Variants in SFT2D2 observed in about 807,000 individuals in gnomAD.
SFT2D2 encodes SFT2 domain containing 2, also known as vesicle transport protein SFT2B.
In SFT2D2, 21 loss-of-function variants were observed where a neutral mutation model predicts 27.4. That is an observed-to-expected ratio of 0.77 (90% CI 0.54 to 1.10). The LOEUF is 1.10. Among genes scored for constraint, SFT2D2 ranks in the 50% least tolerant of loss-of-function variants. SFT2D2 has a pLI of 0.00. For missense variants in SFT2D2, 187 were observed against 194.2 expected (o/e 0.96, Z 0.22); for synonymous variants, 72 against 71.7 (o/e 1.00, Z -0.02).
intron 1 of SFT2D2, among the ~76,000 whole-genome samples, chr1:168,229,034 A>G (rs578011633): frequency 6.6e-6 from 1 of 152,220 alleles, no homozygotes; most frequent in Non-Finnish European, 1.5e-5. Context: ...ACCACATGTA[A>G]TGGAAAAATA....
chr1:168,232,553 C>T (rs1238874992), intron 3 of SFT2D2, among the ~76,000 whole-genome samples: 1 of 152,194 alleles, frequency 6.6e-6, no homozygotes, highest in Non-Finnish European at 1.5e-5. Flanking sequence ...TTTCCCTTCC[C>T]TTGTGTCTCT....
chr1:168,230,835 A>G (rs909267047), intron 1 of SFT2D2, among the ~76,000 whole-genome samples: 6 of 152,112 alleles, frequency 3.9e-5, no homozygotes, highest in Non-Finnish European at 5.9e-5. Context: ...CTCCTGTTTC[A>G]GTAGTGTTTT....
Position 168,252,893 on chromosome 1 carries a change from T to G in SFT2D2, c.*10353T>G, listed in dbSNP as rs1647979009. On this transcript the variant is annotated 3_prime_UTR_variant, in exon 8 of 8. Coordinates refer to ENST00000271375, the MANE Select transcript of SFT2D2 (RefSeq NM_199344.3). ...TACCTTGAAAATCTATTTCATTTACTAAATATTGTTTTCTTTATGCTAACT... is the reference window on the plus strand; with the variant it reads ...TACCTTGAAAATCTATTTCATTTACGAAATATTGTTTTCTTTATGCTAACT... 1 of 152,256 alleles carries G rather than the reference T, an allele frequency of 6.6e-6. No homozygotes were observed. Among genetic ancestry groups the G allele is most frequent in the African/African-American group, 2.4e-5 (1 of 41,470 alleles). The allele number at this position is 152,256 out of a possible 1,614,324, so 9.4% of individuals were successfully genotyped here.
At chr1:168,234,136 G>A (rs1052345692) in intron 3 of SFT2D2, among the ~76,000 whole-genome samples, 3 of 152,174 alleles carry the variant, frequency 2.0e-5, no homozygotes, top group Non-Finnish European at 4.4e-5. Context: ...AGTGGCTCAC[G>A]CCTATAATTC....
rs2102334321 is a variant in SFT2D2, at chr1:168,242,907, C to T, written c.*367C>T. ...GGCAAAAGGCAGCCCCATCAGAGAT[C>T]ACGGGAGCAACAGTAAGGGACAGAG... On this transcript the variant is annotated 3_prime_UTR_variant, in exon 8 of 8. Transcript: ENST00000271375. 1 of 301,422 alleles carries T rather than the reference C, an allele frequency of 3.3e-6. No homozygotes were observed. The highest frequency in any genetic ancestry group is 2.2e-5 in the African/African-American group (1 of 46,484). The allele number at this position is 301,422 out of a possible 1,614,324, so 18.7% of individuals were successfully genotyped here. A position where few individuals can be genotyped will look rare whatever the true frequency, so the allele number is the denominator to read the frequency against.
intron 3 of SFT2D2, among the ~76,000 whole-genome samples, chr1:168,234,781 G>T (rs1647440039): frequency 6.6e-6 from 1 of 152,190 alleles, no homozygotes; most frequent in African/African-American, 2.4e-5. Context: ...CTCTCAAGGA[G>T]AAGGCTTATC....
chr1:168,238,070 G>A (rs1647550937), intron 6 of SFT2D2, among the ~76,000 whole-genome samples: 1 of 152,068 alleles, frequency 6.6e-6, no homozygotes, highest in Non-Finnish European at 1.5e-5. Flanking sequence ...GACTGTGTTT[G>A]CTTTTCTAAG....
chr1:168,243,577 TCAGC>T lies in SFT2D2; in HGVS notation c.*1039_*1042del, dbSNP rs1018372149. ...GGGATAAACTGCAGGTGGTCTCATG[TCAGC>T]CTGATGCCTAACCTACAAAGTGCTT... On this transcript the variant is annotated 3_prime_UTR_variant, in exon 8 of 8. Coordinates refer to ENST00000271375, the MANE Select transcript of SFT2D2 (RefSeq NM_199344.3). The T allele has an allele frequency of 6.6e-6, 1 of 152,366 alleles. No individual in the cohort carries two copies. Among genetic ancestry groups the T allele is most frequent in the Non-Finnish European group, 1.5e-5 (1 of 68,192 alleles). 9.4% of individuals were successfully genotyped at this position (152,366 alleles called of 1,614,324 possible).
intron 6 of SFT2D2, 61 bp from the exon 7 acceptor site, chr1:168,239,061 AGCCCATTCT>A: frequency 8.6e-7 from 1 of 1,156,406 alleles, no homozygotes. Context: ...ACAGCTCAGA[AGCCCATTCT>A]GCTGGATAAT....
chr1:168,226,155 G>C lies in SFT2D2; in HGVS notation c.63+13G>C. 1 of 1,526,532 alleles carries C rather than the reference G, an allele frequency of 6.6e-7. No homozygotes were observed. Among genetic ancestry groups the C allele is most frequent in the Non-Finnish European group, 8.8e-7 (1 of 1,136,124 alleles). The allele number at this position is 1,526,532 out of a possible 1,614,324, so 94.6% of individuals were successfully genotyped here. A position where few individuals can be genotyped will look rare whatever the true frequency, so the allele number is the denominator to read the frequency against. ...CGGCCTGTCCGAGGTGAGTGAGCCCGGGGCCGTCGGCCCCCTCTCGCCGCG... is the reference window on the plus strand; with the variant it reads ...CGGCCTGTCCGAGGTGAGTGAGCCCCGGGCCGTCGGCCCCCTCTCGCCGCG... On this transcript the variant is annotated intron_variant, in intron 1 of 7. Coordinates refer to ENST00000271375, the MANE Select transcript of SFT2D2 (RefSeq NM_199344.3).
chr1:168,228,515 C>A (rs1700483132), intron 1 of SFT2D2, among the ~76,000 whole-genome samples: 1 of 152,150 alleles, frequency 6.6e-6, no homozygotes, highest in African/African-American at 2.4e-5. Flanking sequence ...GTGATTGATA[C>A]CTCATCTTCA....
At position 168,246,399 on chromosome 1, in the gene SFT2D2, C is replaced by G; in HGVS notation, c.*3859C>G. The G allele has an allele frequency of 4.0e-6, 3 of 755,714 alleles. No individual in the cohort carries two copies. The highest frequency in any genetic ancestry group is 5.9e-6 in the Non-Finnish European group (3 of 504,916). The allele number at this position is 755,714 out of a possible 1,614,324, so 46.8% of individuals were successfully genotyped here. On this transcript the variant is annotated 3_prime_UTR_variant, in exon 8 of 8. Coordinates refer to ENST00000271375, the MANE Select transcript of SFT2D2 (RefSeq NM_199344.3). ...GCATTTTTCTACTTTATCTTGGCCA[C>G]TTGTGTACATTTTTTCAATGTCCTT... is the stretch of plus-strand genomic sequence containing the variant.
chr1:168,238,961 G>T (rs528427267), intron 6 of SFT2D2, among the ~76,000 whole-genome samples, 170 bp from the exon 7 acceptor site: 1 of 152,344 alleles, frequency 6.6e-6, no homozygotes, highest in East Asian at 1.9e-4. Flanking sequence ...GGGTACACGT[G>T]CATGCACATG....
At chr1:168,232,002 G>A (rs1404591734) in intron 3 of SFT2D2, 83 bp downstream of exon 3, 44 of 1,092,686 alleles carry the variant, frequency 4.0e-5, no homozygotes, top group Non-Finnish European at 5.6e-5. Context: ...AGGTGAAAGA[G>A]GAGGCTCCAG....
chr1:168,226,550 G>A (rs1700461102), intron 1 of SFT2D2, among the ~76,000 whole-genome samples: 1 of 152,078 alleles, frequency 6.6e-6, no homozygotes, highest in Admixed American at 6.5e-5. Context: ...CCCGGACTGG[G>A]GTGTTGGGGT....
chr1:168,231,453 T>A lies in SFT2D2; in HGVS notation c.64-61T>A, dbSNP rs963516406. On this transcript the variant is annotated intron_variant, in intron 1 of 7. Coordinates refer to ENST00000271375, the MANE Select transcript of SFT2D2 (RefSeq NM_199344.3). ...ACTTAACACTTTCTAGATTTAGTTA[T>A]GTGCTTGCTTTGTTTTTAGTAAATG... 1.0e-5 allele frequency: 14 copies of A among 1,373,852 alleles called. 1 individual carries two copies. The South Asian group carries it at 1.1e-4, about 11-fold the overall frequency. The allele number at this position is 1,373,852 out of a possible 1,614,324, so 85.1% of individuals were successfully genotyped here.
At chr1:168,238,463 C>T (rs1647562500) in intron 6 of SFT2D2, among the ~76,000 whole-genome samples, 1 of 151,572 alleles carries the variant, frequency 6.6e-6, no homozygotes, top group East Asian at 1.9e-4. Flanking sequence ...TGAGACTAGC[C>T]TGGACAGTGT....
chr1:168,231,960 A>G (rs199962792), intron 3 of SFT2D2, 41 bp downstream of exon 3: 105 of 1,553,758 alleles, frequency 6.8e-5, no homozygotes, highest in Admixed American at 2.5e-4. Context: ...CAATCATTAG[A>G]TGGGAAAATG....
chr1:168,226,189 C>T lies in SFT2D2; in HGVS notation c.63+47C>T, dbSNP rs112909527. On this transcript the variant is annotated intron_variant, in intron 1 of 7. Transcript: ENST00000271375. ...GGCCCCCTCTCGCCGCGCTCCCGCC[C>T]TGCGTCCCCTGCCCGGGCCTGGGAA... The T allele has an allele frequency of 5.9e-5, 88 of 1,500,332 alleles. No homozygotes were observed. In the African/African-American group the frequency reaches 8.5e-4, roughly 14 times the overall value. 92.9% of individuals were successfully genotyped at this position (1,500,332 alleles called of 1,614,324 possible). A position where few individuals can be genotyped will look rare whatever the true frequency, so the allele number is the denominator to read the frequency against.
Sources: gnomAD v4.1 joint callset for allele counts (sites outside exome capture counted in the v4.1 genomes callset) on GRCh38, gnomAD v4.1.1 for gene constraint, MANE v1.5 for transcripts, NCBI Gene and HGNC (gene_info 2026-07-23, HGNC 2026-07-21) for gene names.